The following RAB3C variants were observed in gnomAD, a reference collection of about 807,000 sequenced individuals.
RAB3C encodes the protein RAB3C, member RAS oncogene family.
RAB3C carries 17 observed loss-of-function variants against 26.4 expected under a neutral mutation model. The ratio of observed to expected loss-of-function variants is 0.64; its 90% CI spans 0.44 to 0.97. The LOEUF (loss-of-function observed/expected upper bound fraction) is 0.97, where lower values mean the gene tolerates loss of function less well. Among genes scored for constraint, RAB3C ranks in the 50% least tolerant of loss-of-function variants. The pLI, the probability that RAB3C is intolerant of heterozygous loss-of-function variation, is 0.00. For synonymous variants in RAB3C, 91 were observed against 95.9 expected, an observed-to-expected ratio of 0.95 and a Z score of 0.30; for missense variants, 242 against 281.9, an observed-to-expected ratio of 0.86 and a Z score of 1.01.
intron 2 of RAB3C, among the ~76,000 whole-genome samples, chr5:58,650,520 G>A (rs1747621781): frequency 6.6e-6 from 1 of 152,164 alleles, no homozygotes; most frequent in Admixed American, 6.5e-5. Context: ...GGTTGAATAA[G>A]GAGAACCCCT....
intron 4 of RAB3C, among the ~76,000 whole-genome samples, chr5:58,834,725 A>G (rs904734372): frequency 2.6e-5 from 4 of 152,160 alleles, no homozygotes; most frequent in African/African-American, 4.8e-5. Context: ...AAGTATTCCC[A>G]GGAGGTATAA....
chr5:58,624,416 CCT>C (rs1747010222), intron 2 of RAB3C, among the ~76,000 whole-genome samples: 1 of 152,146 alleles, frequency 6.6e-6, no homozygotes, highest in African/African-American at 2.4e-5. Context: ...CCATTTTGCC[CCT>C]GTTTGAGCAG....
At chr5:58,667,575 C>T (rs955813925) in intron 2 of RAB3C, among the ~76,000 whole-genome samples, 2 of 152,140 alleles carry the variant, frequency 1.3e-5, no homozygotes, top group East Asian at 3.9e-4. Flanking sequence ...TTTTGTGTGC[C>T]TGTTATATGG....
At chr5:58,722,643 CT>C (rs1740797202) in intron 2 of RAB3C, among the ~76,000 whole-genome samples, 1 of 151,752 alleles carries the variant, frequency 6.6e-6, no homozygotes. Context: ...TTTAAACAGT[CT>C]TTTGAAGTTT....
intron 3 of RAB3C, among the ~76,000 whole-genome samples, chr5:58,732,104 T>C (rs987825089): frequency 6.6e-6 from 1 of 151,184 alleles, no homozygotes; most frequent in Non-Finnish European, 1.5e-5. Flanking sequence ...GTTTTGTTTT[T>C]TTTTTTTAAA....
chr5:58,684,961 A>G (rs1049162358), intron 2 of RAB3C, among the ~76,000 whole-genome samples: 1 of 152,206 alleles, frequency 6.6e-6, no homozygotes, highest in African/African-American at 2.4e-5. Context: ...CTGGTAATAT[A>G]TTACTGAATA....
chr5:58,626,824 C>CT (rs1388774758), intron 2 of RAB3C, among the ~76,000 whole-genome samples: 4 of 152,046 alleles, frequency 2.6e-5, no homozygotes, highest in Admixed American at 2.0e-4. Context: ...AGTAGTAGTA[C>CT]TTTTTTTGGT....
chr5:58,609,614 G>A (rs1746652170), intron 1 of RAB3C, among the ~76,000 whole-genome samples: 1 of 152,144 alleles, frequency 6.6e-6, no homozygotes, highest in Non-Finnish European at 1.5e-5. Context: ...GACATCCAGA[G>A]AAAGGCTGAA....
At chr5:58,738,011 G>A (rs992744929) in intron 3 of RAB3C, among the ~76,000 whole-genome samples, 1 of 152,134 alleles carries the variant, frequency 6.6e-6, no homozygotes, top group East Asian at 1.9e-4. Flanking sequence ...TTGGATGGGG[G>A]TATATTTGCA....
intron 3 of RAB3C, among the ~76,000 whole-genome samples, chr5:58,797,013 A>ACACACACC (rs1392666307): frequency 4.1e-4 from 62 of 151,032 alleles, no homozygotes; most frequent in African/African-American, 1.4e-3. Context: ...ACACACACAC[A>ACACACACC]CCTACCTTCC....
At chr5:58,665,032 C>G (rs1179515603) in intron 2 of RAB3C, among the ~76,000 whole-genome samples, 1 of 152,142 alleles carries the variant, frequency 6.6e-6, no homozygotes, top group Non-Finnish European at 1.5e-5. Context: ...AATATAGTTG[C>G]TCTAACGTCA....
At chr5:58,725,276 C>T (rs992700052) in intron 2 of RAB3C, among the ~76,000 whole-genome samples, 4 of 151,732 alleles carry the variant, frequency 2.6e-5, no homozygotes, top group Admixed American at 6.6e-5. Context: ...TTATGGTTTT[C>T]ATTGAGAAGC....
intron 2 of RAB3C, among the ~76,000 whole-genome samples, chr5:58,680,246 T>G (rs1203861807): frequency 6.6e-6 from 1 of 152,156 alleles, no homozygotes; most frequent in Non-Finnish European, 1.5e-5. Context: ...CCATTGAACT[T>G]TCCTTTGAGA....
At chr5:58,739,882 G>A (rs1368626092) in intron 3 of RAB3C, among the ~76,000 whole-genome samples, 1 of 152,080 alleles carries the variant, frequency 6.6e-6, no homozygotes, top group African/African-American at 2.4e-5. Flanking sequence ...ATTCTTTTTT[G>A]TACTTTTCCT....
At chr5:58,839,087 T>C (rs1743816492) in intron 4 of RAB3C, among the ~76,000 whole-genome samples, 1 of 152,040 alleles carries the variant, frequency 6.6e-6, no homozygotes, top group Non-Finnish European at 1.5e-5. Context: ...TTTGTCTATG[T>C]GTGTCTTTAC....
At chr5:58,622,912 A>G (rs1746966092) in intron 2 of RAB3C, among the ~76,000 whole-genome samples, 1 of 152,220 alleles carries the variant, frequency 6.6e-6, no homozygotes, top group African/African-American at 2.4e-5. Context: ...CAGGGAGGCC[A>G]AGTGATTTGT....
chr5:58,707,246 A>G (rs1340007245), intron 2 of RAB3C, among the ~76,000 whole-genome samples: 1 of 152,244 alleles, frequency 6.6e-6, no homozygotes, highest in African/African-American at 2.4e-5. Context: ...TAAAAAGGAC[A>G]TCCAAAAATT....
intron 2 of RAB3C, among the ~76,000 whole-genome samples, chr5:58,628,901 A>G (rs527409026): frequency 6.6e-6 from 1 of 152,126 alleles, no homozygotes; most frequent in African/African-American, 2.4e-5. Flanking sequence ...TCTGTTTTTT[A>G]TAAAGGGCTG....
intron 2 of RAB3C, among the ~76,000 whole-genome samples, chr5:58,723,268 T>C (rs1348713457): frequency 1.3e-5 from 2 of 151,814 alleles, no homozygotes; most frequent in Non-Finnish European, 2.9e-5. Flanking sequence ...CTGTTCTACA[T>C]TATTTCTGCT....
Sources: gnomAD v4.1 joint callset for allele counts (sites outside exome capture counted in the v4.1 genomes callset) on GRCh38, gnomAD v4.1.1 for gene constraint, MANE v1.5 for transcripts, NCBI Gene and HGNC (gene_info 2026-07-23, HGNC 2026-07-21) for gene names.